MICAL3: variants seen among roughly 807,000 people sequenced by gnomAD.
MICAL3 encodes microtubule associated monooxygenase, calponin and LIM domain containing 3, also known as [F-actin]-monooxygenase MICAL3.
MICAL3 carries 62 observed loss-of-function variants against 207.4 expected under a neutral mutation model. That is an observed-to-expected ratio of 0.30 (90% CI 0.24 to 0.37). The LOEUF (loss-of-function observed/expected upper bound fraction) is 0.37. MICAL3 is among the 10% of genes least tolerant of loss of function. The pLI is 1.00. For synonymous variants in MICAL3, 1,077 were observed against 1,069.3 expected (o/e 1.01, Z -0.14); for missense variants, 2,368 against 2,635.6 (o/e 0.90, Z 2.22).
At chr22:17,875,644 C>A in intron 16 of MICAL3, 1 of 599,200 alleles carries the variant, frequency 1.7e-6, no homozygotes, top group Non-Finnish European at 2.7e-6. Context: ...GGTTGTAGAG[C>A]CTTTTACTCT....
At chr22:17,833,076 C>A (rs1400519126) in intron 20 of MICAL3, among the ~76,000 whole-genome samples, 1 of 152,218 alleles carries the variant, frequency 6.6e-6, no homozygotes, top group Non-Finnish European at 1.5e-5. Flanking sequence ...TAAGAATGCA[C>A]ATGCCACAAC....
chr22:17,830,352 G>A (rs1418235335), intron 21 of MICAL3, among the ~76,000 whole-genome samples: 3 of 152,248 alleles, frequency 2.0e-5, no homozygotes, highest in Admixed American at 6.5e-5. Flanking sequence ...GTCAGTATGT[G>A]TTTGTGTAGT....
intron 1 of MICAL3, among the ~76,000 whole-genome samples, chr22:18,016,284 T>C (rs1351602118): frequency 6.6e-6 from 1 of 152,244 alleles, no homozygotes; most frequent in Non-Finnish European, 1.5e-5. Flanking sequence ...CACATATCAA[T>C]GTTTTGTTCA....
chr22:17,969,533 T>C (rs575621662), intron 1 of MICAL3, among the ~76,000 whole-genome samples: 3 of 152,108 alleles, frequency 2.0e-5, no homozygotes, highest in Non-Finnish European at 2.9e-5. Context: ...TTTTTTTCTC[T>C]TCCTTCCTTC....
intron 1 of MICAL3, among the ~76,000 whole-genome samples, chr22:17,927,000 C>T (rs1932954738): frequency 6.6e-6 from 1 of 152,190 alleles, no homozygotes; most frequent in South Asian, 2.1e-4. Flanking sequence ...AATCCATTCA[C>T]AATGTTGCAC....
chr22:17,980,716 C>T (rs1367625889), intron 1 of MICAL3, among the ~76,000 whole-genome samples: 2 of 152,238 alleles, frequency 1.3e-5, no homozygotes, highest in South Asian at 4.1e-4. Flanking sequence ...TCCAGCCACA[C>T]CCACTTTCTC....
chr22:17,826,418 C>G, intron 22 of MICAL3: 1 of 977,760 alleles, frequency 1.0e-6, no homozygotes, highest in Non-Finnish European at 1.2e-6. Context: ...AGAGAGGTTA[C>G]GGTGAGTGGG....
intron 1 of MICAL3, among the ~76,000 whole-genome samples, chr22:17,934,542 C>T (rs544938040): frequency 3.2e-4 from 49 of 152,132 alleles, no homozygotes; most frequent in Non-Finnish European, 5.0e-4. Flanking sequence ...CTTTGAAAAC[C>T]AGCACAAGAC....
chr22:18,003,287 G>A (rs5992960), intron 1 of MICAL3, among the ~76,000 whole-genome samples: 1 of 152,044 alleles, frequency 6.6e-6, no homozygotes, highest in African/African-American at 2.4e-5. Flanking sequence ...TCATCTCTTA[G>A]AGAAGAATAT....
chr22:17,935,984 T>C (rs755523892), intron 1 of MICAL3, among the ~76,000 whole-genome samples: 38 of 152,352 alleles, frequency 2.5e-4, no homozygotes, highest in Admixed American at 1.0e-3. Flanking sequence ...GGTGGGAGTG[T>C]AAATTGATTC....
rs1325588920 is a variant in MICAL3, at chr22:17,818,706, T to C, written c.3955A>G (p.Arg1319Gly). The C allele has an allele frequency of 6.2e-7, 1 of 1,613,642 alleles. No individual in the cohort carries two copies. The highest frequency in any genetic ancestry group is 1.7e-5 in the Admixed American group (1 of 60,014). The change falls in exon 26 of 32, where the codon AGA becomes GGA. Residue 1319 changes from arginine (R) to glycine (G), a missense_variant. Arg to Gly is a moderately radical substitution (Grantham distance 125, BLOSUM62 -2). This residue lies in a region of MICAL3 where 1,770 missense variants were observed against 1,863.2 expected (regional missense o/e 0.95). Transcript: ENST00000441493. ...GSPLAVDEAL[R>G]RSDLVEEFWM... ...AACTCCTCCACCAGGTCGCTCCGTC[T>C]GAGGGCCTCATCCACAGCAAGGGGG...
chr22:17,866,403 T>G (rs1213429805), intron 17 of MICAL3, among the ~76,000 whole-genome samples: 1 of 152,166 alleles, frequency 6.6e-6, no homozygotes, highest in Non-Finnish European at 1.5e-5. Context: ...TGAATACAAG[T>G]GCAGGGTGGA....
At chr22:17,898,473 G>A (rs993726899) in intron 7 of MICAL3, among the ~76,000 whole-genome samples, 1 of 152,218 alleles carries the variant, frequency 6.6e-6, no homozygotes, top group Non-Finnish European at 1.5e-5. Context: ...TCTGCCACCG[G>A]CACATGCTCG....
At chr22:17,958,067 G>A (rs560581854) in intron 1 of MICAL3, among the ~76,000 whole-genome samples, 63 of 152,296 alleles carry the variant, frequency 4.1e-4, no homozygotes, top group African/African-American at 1.5e-3. Flanking sequence ...GGCATAACAC[G>A]ATCTCTTTAG....
rs375690426 is a variant in MICAL3, at chr22:17,818,244, G to A, written c.4417C>T (p.Arg1473Trp). ...PPPGEEPATL[R>W]RKLREAEPNA... ...GGCTCGGCCTCCCTGAGCTTCCTCCGCAAGGTGGCGGGCTCCTCGCCCGGG... is the reference window on the plus strand; with the variant it reads ...GGCTCGGCCTCCCTGAGCTTCCTCCACAAGGTGGCGGGCTCCTCGCCCGGG... The change falls in exon 26 of 32, where the codon CGG (arginine) becomes TGG (tryptophan). Residue 1473 changes from arginine to tryptophan, a missense_variant. Transcript: ENST00000441493. 40 of 1,404,428 alleles carry A rather than the reference G, an allele frequency of 2.8e-5. No individual in the cohort carries two copies. Among genetic ancestry groups the A allele is most frequent in the South Asian group, 1.8e-4 (15 of 81,772 alleles). The allele number at this position is 1,404,428 out of a possible 1,614,324, so 87.0% of individuals were successfully genotyped here.
rs1928836292 is a variant in MICAL3 at position 17,877,396 on chromosome 22, G to GGGAGATTATGGAGGTGAGGGAGGTTAT, written c.2242-5374_2242-5373insATAACCTCCCTCACCTCCATAATCTCC. On this transcript the variant is annotated intron_variant, in intron 16 of 31. Coordinates refer to ENST00000441493, the MANE Select transcript of MICAL3 (RefSeq NM_015241.3). ...GAGGTGAGGGAGGTTATGGAGGTTA[G>GGGAGATTATGGAGGTGAGGGAGGTTAT]GGAGGTTAGGGAAGTTATGGAGGTT... 8.0e-5 allele frequency among the ~76,000 whole-genome samples: 3 copies of GGGAGATTATGGAGGTGAGGGAGGTTAT among 37,416 alleles called. 1 individual carries two copies. Among genetic ancestry groups the GGGAGATTATGGAGGTGAGGGAGGTTAT allele is most frequent in the Non-Finnish European group, 1.0e-4 (2 of 19,762 alleles). 24.5% of individuals were successfully genotyped at this position (37,416 alleles called of 152,430 possible).
At chr22:18,012,814 T>G (rs1197016723) in intron 1 of MICAL3, among the ~76,000 whole-genome samples, 1 of 152,176 alleles carries the variant, frequency 6.6e-6, no homozygotes, top group Non-Finnish European at 1.5e-5. Context: ...AAACCAAGCA[T>G]TTATGGAGCC....
intron 1 of MICAL3, among the ~76,000 whole-genome samples, chr22:17,907,858 G>C (rs754247381): frequency 3.9e-5 from 6 of 152,334 alleles, no homozygotes; most frequent in Middle Eastern, 3.4e-3. Context: ...GTAAGGTACA[G>C]GGTTGGGAGA....
intron 16 of MICAL3, among the ~76,000 whole-genome samples, chr22:17,877,047 G>A (rs1928635523): frequency 6.8e-6 from 1 of 146,108 alleles, no homozygotes; most frequent in South Asian, 2.2e-4. Flanking sequence ...GGAGGTTATG[G>A]AGGTTAGGGA....
Sources: allele counts gnomAD v4.1 joint callset (sites outside exome capture counted in the v4.1 genomes callset), GRCh38; gene constraint gnomAD v4.1.1; regional missense constraint gnomAD v4.1.1; transcripts MANE v1.5; gene names NCBI Gene and HGNC (gene_info 2026-07-23, HGNC 2026-07-21).